The following SDK1 variants were observed in gnomAD, a reference collection of about 807,000 sequenced individuals.
SDK1 encodes the protein protein sidekick-1.
A neutral mutation model predicts 245.5 loss-of-function variants in SDK1; 157 were observed. That is an observed-to-expected ratio of 0.64 (90% CI 0.56 to 0.73). The LOEUF (loss-of-function observed/expected upper bound fraction) is 0.73, where lower values mean the gene tolerates loss of function less well. Among genes scored for constraint, SDK1 ranks in the 30% least tolerant of loss-of-function variants. The pLI is 0.00. For missense variants in SDK1, 3,583 were observed against 3,002.3 expected (o/e 1.19, Z -4.52); for synonymous variants, 1,647 against 1,278.5 (o/e 1.29, Z -6.15).
At chr7:3,451,629 A>G (rs983538912) in intron 1 of SDK1, among the ~76,000 whole-genome samples, 7 of 152,328 alleles carry the variant, frequency 4.6e-5, no homozygotes, top group Admixed American at 4.6e-4. Flanking sequence ...GAGGATTTAC[A>G]TGTAACATAG....
intron 26 of SDK1, among the ~76,000 whole-genome samples, chr7:4,128,758 C>T (rs546610272): frequency 7.0e-6 from 1 of 142,364 alleles, no homozygotes; most frequent in South Asian, 2.4e-4. Context: ...GGGTGGGGTC[C>T]CCTGGAGGAG....
intron 35 of SDK1, among the ~76,000 whole-genome samples, chr7:4,194,490 A>G (rs950933550): frequency 6.6e-5 from 10 of 151,988 alleles, no homozygotes; most frequent in African/African-American, 1.9e-4. Context: ...TCCCATATAT[A>G]TGGGAGTTTA....
At position 3,772,537 on chromosome 7, in the gene SDK1, C is replaced by G. The variant is rs559777851; in HGVS notation, c.714-48913C>G. 3.0e-4 allele frequency among the ~76,000 whole-genome samples: 46 copies of G among 152,244 alleles called. 1 individual carries two copies. The highest frequency in any genetic ancestry group is 1.1e-3 in the African/African-American group (45 of 41,542). On this transcript the variant is annotated intron_variant, in intron 4 of 44. Coordinates refer to ENST00000404826, the MANE Select transcript of SDK1 (RefSeq NM_152744.4). ...AAAACCAAAGTTACAATGATACTAG[C>G]TTTTAGACTAATAATTGCTTTTAAA...
At chr7:3,413,563 C>T (rs1779273293) in intron 1 of SDK1, among the ~76,000 whole-genome samples, 1 of 152,060 alleles carries the variant, frequency 6.6e-6, no homozygotes, top group African/African-American at 2.4e-5. Flanking sequence ...TGGCGGTGGG[C>T]ACCTGTAATC....
rs141821670 is a variant in SDK1 at position 3,700,603 on chromosome 7, C to T, written c.713+58498C>T. On this transcript the variant is annotated intron_variant, in intron 4 of 44. Coordinates refer to ENST00000404826, the MANE Select transcript of SDK1 (RefSeq NM_152744.4). Reference sequence around the variant, plus strand: ...CAAAATAGAATTTCAATAAAATGTTCAAGTAACAGAAAAGCAAAAAAGAAA... The same window carrying T: ...CAAAATAGAATTTCAATAAAATGTTTAAGTAACAGAAAAGCAAAAAAGAAA... Among the ~76,000 whole-genome samples the T allele has an allele frequency of 1.6e-4, 25 of 152,148 alleles. 3 individuals are homozygous for T. Among genetic ancestry groups the T allele is most frequent in the African/African-American group, 6.0e-4 (25 of 41,506 alleles).
chr7:3,969,143 C>G (rs1782293896), intron 10 of SDK1, 114 bp from the exon 11 acceptor site: 7 of 949,166 alleles, frequency 7.4e-6, no homozygotes, highest in African/African-American at 1.7e-5. Context: ...CGAGACGAGA[C>G]TTGGGTGGGG....
chr7:3,629,316 A>G (rs1782220070), intron 2 of SDK1, among the ~76,000 whole-genome samples: 2 of 151,930 alleles, frequency 1.3e-5, no homozygotes, highest in South Asian at 4.2e-4. Flanking sequence ...AAAAAAGAAA[A>G]AAAAGAAAAA....
chr7:3,503,665 A>C (rs1219729778), intron 1 of SDK1, among the ~76,000 whole-genome samples: 1 of 152,194 alleles, frequency 6.6e-6, no homozygotes, highest in African/African-American at 2.4e-5. Context: ...TGATAGAGCC[A>C]GACCTTCATA....
At chr7:3,845,027 A>G (rs1780241969) in intron 5 of SDK1, among the ~76,000 whole-genome samples, 1 of 152,224 alleles carries the variant, frequency 6.6e-6, no homozygotes, top group South Asian at 2.1e-4. Context: ...ATCTACGCTT[A>G]ACTACCTGGA....
At chr7:4,007,804 C>T (rs1785605798) in intron 14 of SDK1, among the ~76,000 whole-genome samples, 1 of 152,084 alleles carries the variant, frequency 6.6e-6, no homozygotes. Flanking sequence ...CGGGGTTTCA[C>T]CGTCTTGGCC....
At chr7:3,394,663 C>G (rs1248676860) in intron 1 of SDK1, among the ~76,000 whole-genome samples, 1 of 151,898 alleles carries the variant, frequency 6.6e-6, no homozygotes, top group Non-Finnish European at 1.5e-5. Context: ...TATTGAATGT[C>G]TCATCATTTA....
chr7:4,257,484 A>T (rs1787705995), intron 44 of SDK1, among the ~76,000 whole-genome samples: 2 of 152,216 alleles, frequency 1.3e-5, no homozygotes, highest in African/African-American at 4.8e-5. Flanking sequence ...TATAAATAAT[A>T]AACAGAGCAG....
intron 5 of SDK1, among the ~76,000 whole-genome samples, chr7:3,830,651 A>C (rs1303976269): frequency 6.6e-6 from 1 of 152,082 alleles, no homozygotes; most frequent in African/African-American, 2.4e-5. Flanking sequence ...GTACACCACC[A>C]CACTTGGCTA....
chr7:3,391,332 G>A (rs1032638346), intron 1 of SDK1, among the ~76,000 whole-genome samples: 8 of 152,190 alleles, frequency 5.3e-5, no homozygotes, highest in South Asian at 2.1e-4. Context: ...CATGACCTTG[G>A]TTCCATTGTG....
chr7:3,811,069 T>G (rs1288426969), intron 4 of SDK1, among the ~76,000 whole-genome samples: 1 of 152,206 alleles, frequency 6.6e-6, no homozygotes, highest in East Asian at 1.9e-4. Flanking sequence ...GTTTTCTTAC[T>G]TGCCAGTCAC....
At chr7:3,900,321 T>C (rs188815849) in intron 5 of SDK1, among the ~76,000 whole-genome samples, 1 of 152,254 alleles carries the variant, frequency 6.6e-6, no homozygotes, top group African/African-American at 2.4e-5. Context: ...TTTACCAACA[T>C]GTTCTGCCTG....
intron 19 of SDK1, among the ~76,000 whole-genome samples, chr7:4,065,160 T>A (rs972946377): frequency 6.6e-6 from 1 of 152,110 alleles, no homozygotes; most frequent in African/African-American, 2.4e-5. Context: ...TAACAAAACG[T>A]CACCTGTACC....
chr7:3,645,207 G>C (rs1345101734), intron 4 of SDK1, among the ~76,000 whole-genome samples: 1 of 152,158 alleles, frequency 6.6e-6, no homozygotes, highest in African/African-American at 2.4e-5. Context: ...AGCTAATAAA[G>C]TAAAGATGCT....
chr7:3,811,634 G>A (rs938624923), intron 4 of SDK1, among the ~76,000 whole-genome samples: 2 of 152,142 alleles, frequency 1.3e-5, no homozygotes, highest in Non-Finnish European at 2.9e-5. Context: ...GCTGCTGTTG[G>A]CCATGGTGCT....
Sources: gnomAD v4.1 joint callset for allele counts (sites outside exome capture counted in the v4.1 genomes callset) on GRCh38, gnomAD v4.1.1 for gene constraint, MANE v1.5 for transcripts, NCBI Gene and HGNC (gene_info 2026-07-23, HGNC 2026-07-21) for gene names.